Variants in CDK14 observed in about 807,000 individuals in gnomAD.
The protein encoded by CDK14 is cyclin-dependent kinase 14.
CDK14 carries 34 observed loss-of-function variants against 60.7 expected under a neutral mutation model. The observed-to-expected ratio is 0.56, with a 90% CI of 0.43 to 0.75. The LOEUF is 0.75. Ranked by LOEUF, CDK14 falls within the 30% of genes least tolerant of loss-of-function variation. The probability of loss-of-function intolerance (pLI) is 0.00; values close to 1 mark genes in which losing one functional copy is unlikely to be tolerated. For missense variants in CDK14, 482 were observed against 564.1 expected (o/e 0.85, Z 1.47); for synonymous variants, 197 against 203.7 (o/e 0.97, Z 0.28).
intron 10 of CDK14, among the ~76,000 whole-genome samples, chr7:91,009,214 A>G (rs1002016663): frequency 6.6e-6 from 1 of 151,704 alleles, no homozygotes; most frequent in African/African-American, 2.4e-5. Flanking sequence ...TCTTTTTTTT[A>G]TTGCCAAGTG....
chr7:91,058,726 A>G (rs1289218570), intron 11 of CDK14, among the ~76,000 whole-genome samples: 1 of 152,198 alleles, frequency 6.6e-6, no homozygotes, highest in East Asian at 1.9e-4. Context: ...GCATATGTTG[A>G]ACCAGCCTTG....
chr7:90,960,556 A>G (rs1219233102), intron 9 of CDK14, among the ~76,000 whole-genome samples: 5 of 151,762 alleles, frequency 3.3e-5, no homozygotes, highest in African/African-American at 7.3e-5. Flanking sequence ...TTTCCATACC[A>G]CTCTTGATAT....
Position 91,030,199 on chromosome 7 carries a change from G to T in CDK14, c.1042-15698G>T, listed in dbSNP as rs1314355070. ...ACTATAACAAAATATTGCAAATGTAGTACATTTTTATAGAACTATTTTGAC... is the reference window on the plus strand; with the variant it reads ...ACTATAACAAAATATTGCAAATGTATTACATTTTTATAGAACTATTTTGAC... On this transcript the variant is annotated intron_variant, in intron 10 of 14. Coordinates refer to ENST00000380050, the MANE Select transcript of CDK14 (RefSeq NM_001287135.2). 2.6e-5 allele frequency among the ~76,000 whole-genome samples: 4 copies of T among 152,128 alleles called. No homozygotes were observed. The East Asian group carries it at 7.7e-4, about 29-fold the overall frequency.
intron 3 of CDK14, among the ~76,000 whole-genome samples, chr7:90,745,591 T>C (rs1439008038): frequency 1.3e-5 from 2 of 152,130 alleles, no homozygotes; most frequent in African/African-American, 4.8e-5. Flanking sequence ...AATTTTTGTA[T>C]TTTTAGTAGA....
intron 7 of CDK14, among the ~76,000 whole-genome samples, chr7:90,905,918 T>A (rs1319329203): frequency 1.3e-5 from 2 of 152,148 alleles, no homozygotes; most frequent in African/African-American, 2.4e-5. Context: ...CAGACAACCC[T>A]TATTACTATG....
intron 4 of CDK14, among the ~76,000 whole-genome samples, chr7:90,756,405 A>G (rs1005874): frequency 0.19 from 29,063 of 152,210 alleles, 2,896 homozygotes; most frequent in South Asian, 0.24. Flanking sequence ...TAAAAGAAAG[A>G]CTTTAAAAGT....
chr7:90,623,197 A>T (rs1186474276), intron 2 of CDK14, among the ~76,000 whole-genome samples: 1 of 152,078 alleles, frequency 6.6e-6, no homozygotes, highest in Non-Finnish European at 1.5e-5. Context: ...CCAGACATAT[A>T]CGTAGGTCTA....
At chr7:91,100,254 G>A (rs776359763) in intron 12 of CDK14, among the ~76,000 whole-genome samples, 1 of 152,136 alleles carries the variant, frequency 6.6e-6, no homozygotes, top group Non-Finnish European at 1.5e-5. Context: ...TATAGTTTAA[G>A]TGCACATGGA....
chr7:90,855,861 A>G (rs1249101110), intron 5 of CDK14, among the ~76,000 whole-genome samples: 1 of 152,208 alleles, frequency 6.6e-6, no homozygotes, highest in East Asian at 1.9e-4. Context: ...AGTAGCCTGT[A>G]TCTCACCGCT....
intron 14 of CDK14, among the ~76,000 whole-genome samples, chr7:91,173,433 A>AT (rs1254537349): frequency 6.6e-6 from 1 of 151,810 alleles, no homozygotes; most frequent in Non-Finnish European, 1.5e-5. Flanking sequence ...ATCTCTTAAA[A>AT]AAAAAAAGGT....
At chr7:91,061,843 G>T (rs1024027632) in intron 11 of CDK14, among the ~76,000 whole-genome samples, 1 of 152,226 alleles carries the variant, frequency 6.6e-6, no homozygotes, top group Admixed American at 6.5e-5. Context: ...GCTACTTGGG[G>T]GTCAGGGACC....
intron 2 of CDK14, among the ~76,000 whole-genome samples, chr7:90,619,911 G>A (rs1034218045): frequency 6.6e-6 from 1 of 152,150 alleles, no homozygotes; most frequent in Non-Finnish European, 1.5e-5. Context: ...CAGGAGAATC[G>A]CTTGAACCCA....
chr7:91,100,978 G>T (rs1799132980), intron 12 of CDK14, among the ~76,000 whole-genome samples: 1 of 152,132 alleles, frequency 6.6e-6, no homozygotes, highest in African/African-American at 2.4e-5. Context: ...AGATCTGATG[G>T]GGAGACCTAG....
chr7:90,637,416 T>C (rs1006928805), intron 2 of CDK14, among the ~76,000 whole-genome samples: 1 of 152,134 alleles, frequency 6.6e-6, no homozygotes, highest in Non-Finnish European at 1.5e-5. Context: ...CAGGAGCAGG[T>C]TGTTCAGTTT....
At chr7:91,028,451 A>G (rs773021001) in intron 10 of CDK14, among the ~76,000 whole-genome samples, 2 of 152,218 alleles carry the variant, frequency 1.3e-5, no homozygotes, top group Non-Finnish European at 2.9e-5. Context: ...ACCTACTAGT[A>G]GAATTACTGG....
intron 10 of CDK14, among the ~76,000 whole-genome samples, chr7:91,038,171 A>G (rs1796985944): frequency 6.6e-6 from 1 of 152,196 alleles, no homozygotes; most frequent in Non-Finnish European, 1.5e-5. Context: ...GTAAGGTAGG[A>G]GGAAAAGCAG....
intron 12 of CDK14, among the ~76,000 whole-genome samples, chr7:91,103,082 A>G (rs1483908980): frequency 1.3e-5 from 2 of 151,978 alleles, no homozygotes; most frequent in Non-Finnish European, 2.9e-5. Flanking sequence ...GTGAAACCTG[A>G]TCTCTACTAA....
chr7:90,920,067 A>AT lies in CDK14; in HGVS notation c.826+2351dup, dbSNP rs71104498. Among the ~76,000 whole-genome samples, 156 of 152,134 alleles carry AT rather than the reference A, an allele frequency of 1.0e-3. 1 individual carries two copies. The highest frequency in any genetic ancestry group is 3.4e-3 in the Middle Eastern group (1 of 294). ...ACAAGTTCCCCCAATTAATTGTGTG[A>AT]TTTTTTTTGTCTTTTAATTTAAGAC... On this transcript the variant is annotated intron_variant, in intron 8 of 14. Coordinates refer to ENST00000380050, the MANE Select transcript of CDK14 (RefSeq NM_001287135.2).
At chr7:90,856,012 A>G (rs1790806675) in intron 5 of CDK14, among the ~76,000 whole-genome samples, 1 of 152,200 alleles carries the variant, frequency 6.6e-6, no homozygotes, top group Non-Finnish European at 1.5e-5. Context: ...AGAAGTGTGT[A>G]GTGGGATTGA....
Sources: gnomAD v4.1 joint callset for allele counts (sites outside exome capture counted in the v4.1 genomes callset) on GRCh38, gnomAD v4.1.1 for gene constraint, MANE v1.5 for transcripts, NCBI Gene and HGNC (gene_info 2026-07-23, HGNC 2026-07-21) for gene names.